The following CNOT7 variants were observed in gnomAD, a reference collection of about 807,000 sequenced individuals.
CNOT7 encodes BTG1-binding factor 1.
A neutral mutation model predicts 37.1 loss-of-function variants in CNOT7; 4 were observed. The ratio of observed to expected loss-of-function variants is 0.11; its 90% CI spans 0.05 to 0.25. CNOT7 has a LOEUF of 0.25. CNOT7 is among the 10% of genes least tolerant of loss of function. The probability of loss-of-function intolerance (pLI) is 1.00; values close to 1 mark genes in which losing one functional copy is unlikely to be tolerated. For missense variants in CNOT7, 170 were observed against 336.2 expected (o/e 0.51, Z 3.87); for synonymous variants, 128 against 115.6 (o/e 1.11, Z -0.69).
At position 17,225,706 on chromosome 8, in the gene CNOT7, T is replaced by C. The variant is rs1808108003; in HGVS notation, c.*5014A>G. On this transcript the variant is annotated 3_prime_UTR_variant, in exon 7 of 7. Coordinates refer to ENST00000361272, the MANE Select transcript of CNOT7 (RefSeq NM_013354.7). ...TGTGTACAGTCCTACGTTTCTATAA[T>C]GTCTTAATAGAAAAATAAATGACAG... is the stretch of plus-strand genomic sequence containing the variant. The C allele has an allele frequency of 1.3e-5, 2 of 151,758 alleles. No homozygotes were observed. The highest frequency in any genetic ancestry group is 1.3e-4 in the Admixed American group (2 of 15,218). The allele number at this position is 151,758 out of a possible 1,614,324, so 9.4% of individuals were successfully genotyped here. A position where few individuals can be genotyped will look rare whatever the true frequency, so the allele number is the denominator to read the frequency against.
At chr8:17,234,587 A>C in intron 5 of CNOT7, 129 bp downstream of exon 5, 1 of 953,526 alleles carries the variant, frequency 1.0e-6, no homozygotes, top group South Asian at 1.4e-5. Context: ...TCACATGACC[A>C]GATAATATAA....
At position 17,230,312 on chromosome 8, in the gene CNOT7, A is replaced by G. The variant is rs979127020; in HGVS notation, c.*408T>C. 2 of 153,198 alleles carry G rather than the reference A, an allele frequency of 1.3e-5. No homozygotes were observed. Among genetic ancestry groups the G allele is most frequent in the Non-Finnish European group, 2.9e-5 (2 of 68,482 alleles). 9.5% of individuals were successfully genotyped at this position (153,198 alleles called of 1,614,324 possible). On this transcript the variant is annotated 3_prime_UTR_variant, in exon 7 of 7. Transcript: ENST00000361272. ...TAAAGTGCAAAACTGATGGTCCACG[A>G]TCTCAAATAGCTAAAACTCCTGCAG...
rs1808210991 is a variant in CNOT7, at chr8:17,227,136, A to T, written c.*3584T>A. The stretch of plus-strand genomic sequence containing the variant: ...GTACCTGCTGATGAATAATCAAGTG[A>T]GTAACTACAGGCTTTAAACAACTTA... On this transcript the variant is annotated 3_prime_UTR_variant, in exon 7 of 7. Transcript: ENST00000361272. 1 of 151,878 alleles carries T rather than the reference A, an allele frequency of 6.6e-6. No homozygotes were observed. The highest frequency in any genetic ancestry group is 1.5e-5 in the Non-Finnish European group (1 of 67,812). 9.4% of individuals were successfully genotyped at this position (151,878 alleles called of 1,614,324 possible). A position where few individuals can be genotyped will look rare whatever the true frequency, so the allele number is the denominator to read the frequency against.
rs1436865881 is a variant in CNOT7, at chr8:17,230,379, CAGTGCT to C, written c.*335_*340del. On this transcript the variant is annotated 3_prime_UTR_variant, in exon 7 of 7. Coordinates refer to ENST00000361272, the MANE Select transcript of CNOT7 (RefSeq NM_013354.7). ...GTGAAACAGGGAAATAAATTACAGT[CAGTGCT>C]AGTTAATTTAGGAAAAGGGAAAAAT... The C allele has an allele frequency of 6.2e-6, 1 of 160,016 alleles. No homozygotes were observed. Among genetic ancestry groups the C allele is most frequent in the African/African-American group, 2.4e-5 (1 of 41,762 alleles). The allele number at this position is 160,016 out of a possible 1,614,324, so 9.9% of individuals were successfully genotyped here.
chr8:17,240,181 C>T (rs1189511808), intron 3 of CNOT7, among the ~76,000 whole-genome samples: 1 of 152,184 alleles, frequency 6.6e-6, no homozygotes, highest in Non-Finnish European at 1.5e-5. Context: ...GTTTATCTTC[C>T]AAATGACTTC....
At chr8:17,234,564 G>T (rs1031914626) in intron 5 of CNOT7, 152 bp downstream of exon 5, 4 of 793,242 alleles carry the variant, frequency 5.0e-6, no homozygotes, top group Non-Finnish European at 8.2e-6. Context: ...AATTATGTAT[G>T]CAAGAAAAAA....
At chr8:17,234,559 T>C (rs1809082034) in intron 5 of CNOT7, 157 bp downstream of exon 5, 3 of 750,454 alleles carry the variant, frequency 4.0e-6, no homozygotes, top group South Asian at 1.7e-5. Flanking sequence ...CTACAAATTA[T>C]GTATGCAAGA....
intron 2 of CNOT7, 67 bp downstream of exon 2, chr8:17,244,969 T>C: frequency 7.6e-7 from 1 of 1,314,688 alleles, no homozygotes; most frequent in Admixed American, 2.1e-5. Context: ...AGGGTTGAAT[T>C]CAAGACTTTA....
chr8:17,231,977 C>A, intron 6 of CNOT7: 9 of 990,360 alleles, frequency 9.1e-6, no homozygotes, highest in Non-Finnish European at 1.1e-5. Context: ...ATGACATGAG[C>A]AAATAATATA....
intron 3 of CNOT7, among the ~76,000 whole-genome samples, chr8:17,240,848 C>A (rs1810061904): frequency 6.6e-6 from 1 of 152,044 alleles, no homozygotes; most frequent in Non-Finnish European, 1.5e-5. Flanking sequence ...TACTTTGCAC[C>A]CTTTATAAAT....
chr8:17,236,682 T>G (rs189183643), intron 4 of CNOT7, among the ~76,000 whole-genome samples: 3 of 152,198 alleles, frequency 2.0e-5, no homozygotes, highest in Admixed American at 6.5e-5. Context: ...CTTATCACTA[T>G]CTAACAAATC....
chr8:17,230,660 A>G lies in CNOT7; in HGVS notation c.*60T>C, dbSNP rs1310392969. 2.1e-6 allele frequency: 3 copies of G among 1,459,566 alleles called. No individual in the cohort carries two copies. The highest frequency in any genetic ancestry group is 2.8e-6 in the Non-Finnish European group (3 of 1,085,346). 90.4% of individuals were successfully genotyped at this position (1,459,566 alleles called of 1,614,324 possible). A position where few individuals can be genotyped will look rare whatever the true frequency, so the allele number is the denominator to read the frequency against. Reference sequence around the variant, plus strand: ...TATTGTTCGAGGGATTCAACCAGAGATAAAACCTATATACAAGCATGTGTG... The same window carrying G: ...TATTGTTCGAGGGATTCAACCAGAGGTAAAACCTATATACAAGCATGTGTG... On this transcript the variant is annotated 3_prime_UTR_variant, in exon 7 of 7. Transcript: ENST00000361272.
At chr8:17,242,353 C>T (rs186754312) in intron 3 of CNOT7, 5 of 152,158 alleles carry the variant, frequency 3.3e-5, no homozygotes, top group African/African-American at 1.2e-4. Context: ...CTTCCCTTAG[C>T]TATCAAGACT....
At chr8:17,230,925 G>T (rs1314108472) in intron 6 of CNOT7, 77 bp from the exon 7 acceptor site, 3 of 1,047,838 alleles carry the variant, frequency 2.9e-6, no homozygotes, top group Non-Finnish European at 2.8e-6. Flanking sequence ...TTTCAGCAAT[G>T]TAAGTACTGA....
Position 17,234,710 on chromosome 8 carries a change from C to T in CNOT7, c.618+6G>A. The T allele has an allele frequency of 1.2e-6, 2 of 1,613,878 alleles. No individual in the cohort carries two copies. The highest frequency in any genetic ancestry group is 1.7e-6 in the Non-Finnish European group (2 of 1,179,866). ...CTGCTGTAGATAATGCCATCCGAAG[C>T]CTTACTTTGAGATTTTTGCAGCTCT... On this transcript the variant is annotated splice_donor_region_variant and intron_variant, in intron 5 of 6. Coordinates refer to ENST00000361272, the MANE Select transcript of CNOT7 (RefSeq NM_013354.7).
At position 17,232,672 on chromosome 8, in the gene CNOT7, G is replaced by T. The variant is rs148158997; in HGVS notation, c.619-135C>A. The T allele has an allele frequency of 3.6e-4, 250 of 686,664 alleles. No individual in the cohort carries two copies. In the African/African-American group the frequency reaches 4.3e-3, roughly 12 times the overall value. The allele number at this position is 686,664 out of a possible 1,614,324, so 42.5% of individuals were successfully genotyped here. A position where few individuals can be genotyped will look rare whatever the true frequency, so the allele number is the denominator to read the frequency against. ...AGGTGAATCTTATAAAGATTGGGGG[G>T]AAGAAACAGAGAATGTGAATTACTA... On this transcript the variant is annotated intron_variant, in intron 5 of 6. Coordinates refer to ENST00000361272, the MANE Select transcript of CNOT7 (RefSeq NM_013354.7).
rs1024017035 is a variant in CNOT7, at chr8:17,227,145, A to T, written c.*3575T>A. On this transcript the variant is annotated 3_prime_UTR_variant, in exon 7 of 7. Coordinates refer to ENST00000361272, the MANE Select transcript of CNOT7 (RefSeq NM_013354.7). ...GATGAATAATCAAGTGAGTAACTAC[A>T]GGCTTTAAACAACTTACGTTTTCAC... 9.9e-5 allele frequency: 15 copies of T among 151,904 alleles called. No homozygotes were observed. The highest frequency in any genetic ancestry group is 3.4e-4 in the African/African-American group (14 of 41,418). The allele number at this position is 151,904 out of a possible 1,614,324, so 9.4% of individuals were successfully genotyped here.
Position 17,230,692 on chromosome 8 carries a change from GAAATAA to G in CNOT7, c.*22_*27del. 3 of 1,584,110 alleles carry G rather than the reference GAAATAA, an allele frequency of 1.9e-6. No homozygotes were observed. Among genetic ancestry groups the G allele is most frequent in the Non-Finnish European group, 2.6e-6 (3 of 1,167,216 alleles). ...CTATATACAAGCATGTGTGTAGCTC[GAAATAA>G]AAATAAAAGGACTATTTCATGTCAT... is the stretch of plus-strand genomic sequence containing the variant. On this transcript the variant is annotated 3_prime_UTR_variant, in exon 7 of 7. Transcript: ENST00000361272.
intron 6 of CNOT7, chr8:17,231,987 A>G: frequency 3.0e-6 from 3 of 995,346 alleles, no homozygotes; most frequent in Non-Finnish European, 3.6e-6. Flanking sequence ...CAAATAATAT[A>G]TTTATCACCA....
Sources: gnomAD v4.1 joint callset for allele counts (sites outside exome capture counted in the v4.1 genomes callset) on GRCh38, gnomAD v4.1.1 for gene constraint, MANE v1.5 for transcripts, NCBI Gene and HGNC (gene_info 2026-07-23, HGNC 2026-07-21) for gene names.